The following PKD1L1 variants were observed in gnomAD, a reference collection of about 807,000 sequenced individuals.
The protein encoded by PKD1L1 is polycystin 1 like 1, transient receptor potential channel interacting.
Under a neutral mutation model 323.4 loss-of-function variants are expected in PKD1L1, and 236 were observed. That is an observed-to-expected ratio of 0.73 (90% CI 0.66 to 0.81). The LOEUF (loss-of-function observed/expected upper bound fraction) is 0.81. Among genes scored for constraint, PKD1L1 ranks in the 40% least tolerant of loss-of-function variants. PKD1L1 has a pLI of 0.00. For missense variants in PKD1L1, 3,320 were observed against 3,508.0 expected, an observed-to-expected ratio of 0.95 and a Z score of 1.35; for synonymous variants, 1,344 against 1,335.0, an observed-to-expected ratio of 1.01 and a Z score of -0.15.
intron 46 of PKD1L1, chr7:47,818,342 C>A: frequency 2.2e-6 from 1 of 456,592 alleles, no homozygotes; most frequent in Non-Finnish European, 3.5e-6. Flanking sequence ...AAGTGTTGAG[C>A]ATCTGCTGTG....
intron 7 of PKD1L1, among the ~76,000 whole-genome samples, chr7:47,928,220 A>G (rs1158478950): frequency 6.6e-6 from 1 of 152,170 alleles, no homozygotes; most frequent in Non-Finnish European, 1.5e-5. Context: ...AACTTTCTAG[A>G]ATGTGGGAGT....
rs754816944 is a variant in PKD1L1, at chr7:47,815,322, C to T, written c.7089+12G>A. The T allele has an allele frequency of 1.2e-5, 19 of 1,611,828 alleles. No homozygotes were observed. Among genetic ancestry groups the T allele is most frequent in the South Asian group, 7.7e-5 (7 of 90,660 alleles). On this transcript the variant is annotated intron_variant, in intron 47 of 56. Coordinates refer to ENST00000289672, the MANE Select transcript of PKD1L1 (RefSeq NM_138295.5). ...GAGATGATCTCCTATGAAGAGGAGA[C>T]GGAAAGCTCACCTGAGCCCCCGGCA...
upstream of PKD1L1, among the ~76,000 whole-genome samples, chr7:47,950,833 G>T (rs953560718): frequency 2.0e-5 from 3 of 152,226 alleles, no homozygotes; most frequent in African/African-American, 7.2e-5. Context: ...CCAGCGCTGG[G>T]CTGGGCAGCC....
intron 36 of PKD1L1, among the ~76,000 whole-genome samples, chr7:47,837,787 C>T (rs1340566823): frequency 6.6e-6 from 1 of 152,080 alleles, no homozygotes; most frequent in Non-Finnish European, 1.5e-5. Flanking sequence ...TTAAATAATG[C>T]GTGGGGCTCA....
At chr7:47,803,403 T>C in intron 52 of PKD1L1, 59 bp from the exon 53 acceptor site, 3 of 1,586,742 alleles carry the variant, frequency 1.9e-6, no homozygotes, top group South Asian at 1.1e-5. Context: ...GGTGCAGACA[T>C]ATTCACAGCT....
Position 47,854,882 on chromosome 7 carries a change from CT to C in PKD1L1, c.4858del (p.Arg1620AspfsTer13), listed in dbSNP as rs769226180. On this transcript the variant is annotated frameshift_variant and splice_region_variant, in exon 30 of 57. Transcript: ENST00000289672. LOFTEE classifies it high-confidence loss of function. ...TRAFPVMLLVRFSEKPTPSDF... is the reference protein window; with the variant it reads ...TRAFPVMLLVXFSEKPTPSDF... ...ATTGTAGCTGTCACCATCAACACACCTTACTAGCAACATGACGGGAAATGCC... is the reference window on the plus strand; with the variant it reads ...ATTGTAGCTGTCACCATCAACACACCTACTAGCAACATGACGGGAAATGCC... The C allele has an allele frequency of 6.2e-7, 1 of 1,613,948 alleles. No individual in the cohort carries two copies. The highest frequency in any genetic ancestry group is 1.7e-5 in the Admixed American group (1 of 59,978).
chr7:47,862,039 A>G (rs1001194940), intron 26 of PKD1L1, among the ~76,000 whole-genome samples: 1 of 151,956 alleles, frequency 6.6e-6, no homozygotes, highest in African/African-American at 2.4e-5. Flanking sequence ...TATTAAAAAT[A>G]CAAAAATTGG....
intron 36 of PKD1L1, among the ~76,000 whole-genome samples, 167 bp from the exon 37 acceptor site, chr7:47,837,261 C>T (rs528168844): frequency 1.3e-5 from 2 of 152,246 alleles, no homozygotes; most frequent in East Asian, 3.9e-4. Context: ...GTAGACAGCA[C>T]TGCACTCCCC....
At chr7:47,875,077 T>A (rs1786375065) in intron 23 of PKD1L1, among the ~76,000 whole-genome samples, 1 of 152,202 alleles carries the variant, frequency 6.6e-6, no homozygotes, top group Admixed American at 6.5e-5. Context: ...ATTGGAACAT[T>A]TGCCCAGCCT....
At chr7:47,775,917 C>T (rs1786558567) in intron 56 of PKD1L1, among the ~76,000 whole-genome samples, 1 of 150,988 alleles carries the variant, frequency 6.6e-6, no homozygotes. Flanking sequence ...AACAACATAT[C>T]AAAGACACAA....
At chr7:47,826,767 G>A (rs1423209197) in intron 45 of PKD1L1, among the ~76,000 whole-genome samples, 1 of 152,142 alleles carries the variant, frequency 6.6e-6, no homozygotes, top group Non-Finnish European at 1.5e-5. Flanking sequence ...GGTAGAAGTT[G>A]GAGAGCTTTG....
chr7:47,952,929 A>AAATTAAATATCATGGCTTGAT (rs1410428721), upstream of PKD1L1, among the ~76,000 whole-genome samples: 1 of 152,200 alleles, frequency 6.6e-6, no homozygotes, highest in African/African-American at 2.4e-5. Context: ...CTTCAAAATA[A>AAATTAAATATCATGGCTTGAT]AATTAAATAT....
chr7:47,892,746 T>C (rs1786848480), intron 15 of PKD1L1, among the ~76,000 whole-genome samples: 1 of 151,980 alleles, frequency 6.6e-6, no homozygotes, highest in African/African-American at 2.4e-5. Flanking sequence ...ATCCCTGCCT[T>C]GGAGACAGGG....
chr7:47,944,739 T>C (rs1788061940), intron 1 of PKD1L1, among the ~76,000 whole-genome samples: 1 of 152,248 alleles, frequency 6.6e-6, no homozygotes, highest in Non-Finnish European at 1.5e-5. Context: ...CTCATGTTTG[T>C]CAGCAGAGAT....
At chr7:47,910,826 T>TTGTGTGTG (rs60550498) in intron 8 of PKD1L1, among the ~76,000 whole-genome samples, 12,901 of 125,964 alleles carry the variant, frequency 0.1, 710 homozygotes, top group South Asian at 0.15. Flanking sequence ...CCAGCTGATT[T>TTGTGTGTG]TGTGTGTGTG....
intron 13 of PKD1L1, among the ~76,000 whole-genome samples, chr7:47,899,829 G>A (rs971292037): frequency 2.0e-5 from 3 of 151,894 alleles, no homozygotes; most frequent in African/African-American, 4.8e-5. Flanking sequence ...GGTGGCGGAC[G>A]CCTGTAGTCC....
chr7:47,827,926 G>A (rs1002368069), intron 44 of PKD1L1, among the ~76,000 whole-genome samples: 3 of 152,144 alleles, frequency 2.0e-5, no homozygotes, highest in African/African-American at 7.2e-5. Flanking sequence ...TCGTGACAGG[G>A]CATAACAGTA....
chr7:47,942,371 G>T lies in PKD1L1; in HGVS notation c.160+1025C>A, dbSNP rs964362742. Among the ~76,000 whole-genome samples, 3 of 152,252 alleles carry T rather than the reference G, an allele frequency of 2.0e-5. No homozygotes were observed. The South Asian group carries it at 6.2e-4, about 32-fold the overall frequency. ...ACAATTCCACATGATCTTAACATAA[G>T]AATTGCAAAAGAATTGGCGTTGCAT... On this transcript the variant is annotated intron_variant, in intron 2 of 56. Coordinates refer to ENST00000289672, the MANE Select transcript of PKD1L1 (RefSeq NM_138295.5).
chr7:47,929,600 C>A, intron 6 of PKD1L1, 74 bp from the exon 7 acceptor site: 1 of 1,394,406 alleles, frequency 7.2e-7, no homozygotes, highest in Non-Finnish European at 9.8e-7. Context: ...AGCCAAGCAG[C>A]CTGGCCTGGG....
Sources: allele counts gnomAD v4.1 joint callset (sites outside exome capture counted in the v4.1 genomes callset), GRCh38; gene constraint gnomAD v4.1.1; transcripts MANE v1.5; gene names NCBI Gene and HGNC (gene_info 2026-07-23, HGNC 2026-07-21).